The following DLGAP2 variants were observed in gnomAD, a reference collection of about 807,000 sequenced individuals.
DLGAP2 encodes DLG associated protein 2.
Under a neutral mutation model 100.3 loss-of-function variants are expected in DLGAP2, and 26 were observed. The observed-to-expected ratio is 0.26, with a 90% CI of 0.19 to 0.36. The LOEUF (loss-of-function observed/expected upper bound fraction) is 0.36, where lower values mean the gene tolerates loss of function less well. Ranked by LOEUF, DLGAP2 falls within the 10% of genes least tolerant of loss-of-function variation. The pLI is 1.00. For missense variants in DLGAP2, 1,858 were observed against 1,453.2 expected, an observed-to-expected ratio of 1.28 and a Z score of -4.53; for synonymous variants, 886 against 630.1, an observed-to-expected ratio of 1.41 and a Z score of -6.08.
intron 4 of DLGAP2, among the ~76,000 whole-genome samples, chr8:1,507,455 C>G (rs1010286649): frequency 6.6e-6 from 1 of 152,134 alleles, no homozygotes; most frequent in Non-Finnish European, 1.5e-5. Context: ...TGCGGGGCCG[C>G]GGAGCCCGCG....
In DLGAP2 at chr8:1,519,614, C is replaced by T. The variant is rs547084144; in HGVS notation, c.172+18183C>T. On this transcript the variant is annotated intron_variant, in intron 4 of 14. Transcript: ENST00000637795. ...CCTGAGCCTGGCTCTCCCCATGCAC[C>T]TTCCCCATGGACACCACCTCTTGCC... Among the ~76,000 whole-genome samples, 3 of 152,348 alleles carry T rather than the reference C, an allele frequency of 2.0e-5. No homozygotes were observed. In the East Asian group the frequency reaches 5.8e-4, roughly 29 times the overall value.
At chr8:1,204,195 A>G (rs1797942606) in intron 2 of DLGAP2, among the ~76,000 whole-genome samples, 1 of 152,206 alleles carries the variant, frequency 6.6e-6, no homozygotes, top group African/African-American at 2.4e-5. Context: ...CCCATCACAG[A>G]ATATCAGCGG....
chr8:1,292,435 T>G (rs924320344), intron 3 of DLGAP2, among the ~76,000 whole-genome samples: 73 of 152,314 alleles, frequency 4.8e-4, no homozygotes, highest in African/African-American at 1.7e-3. Context: ...TGCGCTGTCT[T>G]TGGGCAGCTC....
chr8:1,164,407 G>GTTTGTGGGGA (rs1796972900), intron 2 of DLGAP2, among the ~76,000 whole-genome samples: 7 of 152,120 alleles, frequency 4.6e-5, no homozygotes, highest in South Asian at 2.1e-4. Flanking sequence ...CGTCGTTTTG[G>GTTTGTGGGGA]TTTCTCTGGA....
At chr8:841,140 G>C (rs1796976497) in intron 1 of DLGAP2, among the ~76,000 whole-genome samples, 1 of 152,172 alleles carries the variant, frequency 6.6e-6, no homozygotes, top group Non-Finnish European at 1.5e-5. Flanking sequence ...AAATGGAGCA[G>C]TTCATATGGA....
At chr8:891,861 T>C (rs1798042472) in intron 1 of DLGAP2, among the ~76,000 whole-genome samples, 1 of 152,084 alleles carries the variant, frequency 6.6e-6, no homozygotes, top group Non-Finnish European at 1.5e-5. Flanking sequence ...GGGGAGGACC[T>C]TGGGAGAGCT....
intron 2 of DLGAP2, among the ~76,000 whole-genome samples, chr8:1,205,772 G>A (rs1272446569): frequency 3.3e-5 from 5 of 152,264 alleles, no homozygotes; most frequent in South Asian, 2.1e-4. Context: ...TGGCTGTGCC[G>A]TGACTGGAAA....
In DLGAP2 at chr8:1,318,543, G is replaced by A. The variant is rs115109296; in HGVS notation, c.106+59660G>A. 5.5e-3 allele frequency among the ~76,000 whole-genome samples: 837 copies of A among 150,948 alleles called. 8 individuals are homozygous for A. Among genetic ancestry groups the A allele is most frequent in the African/African-American group, 0.019 (791 of 41,050 alleles). On this transcript the variant is annotated intron_variant, in intron 3 of 14. Coordinates refer to ENST00000637795, the MANE Select transcript of DLGAP2 (RefSeq NM_001346810.2). Reference sequence around the variant, plus strand: ...TTTGAAGTTTAGGCCTCCACAGGAGGCCTGTTGTCAGGGCCGGTTCGTTAC... The same window carrying A: ...TTTGAAGTTTAGGCCTCCACAGGAGACCTGTTGTCAGGGCCGGTTCGTTAC...
At chr8:777,427 T>G (rs1446173904) in intron 1 of DLGAP2, among the ~76,000 whole-genome samples, 1 of 152,196 alleles carries the variant, frequency 6.6e-6, no homozygotes, top group Admixed American at 6.5e-5. Flanking sequence ...CGTTAGTTGA[T>G]GCAGTTTCTT....
At chr8:1,182,253 G>A (rs755149208) in intron 2 of DLGAP2, among the ~76,000 whole-genome samples, 2 of 152,260 alleles carry the variant, frequency 1.3e-5, no homozygotes, top group East Asian at 3.8e-4. Context: ...CGACTGCCAT[G>A]TTCCTGTTTT....
intron 1 of DLGAP2, among the ~76,000 whole-genome samples, chr8:813,775 C>G (rs1400950158): frequency 6.6e-6 from 1 of 152,140 alleles, no homozygotes; most frequent in African/African-American, 2.4e-5. Flanking sequence ...CTTTCTCCCT[C>G]CACTGACTGA....
intron 4 of DLGAP2, among the ~76,000 whole-genome samples, chr8:1,526,951 CT>C (rs1473110098): frequency 1.3e-5 from 2 of 152,242 alleles, no homozygotes; most frequent in Non-Finnish European, 2.9e-5. Flanking sequence ...GTGGTGTGGC[CT>C]CGAGTTAGGC....
chr8:1,252,731 G>T (rs1433487602), intron 2 of DLGAP2, among the ~76,000 whole-genome samples: 1 of 152,268 alleles, frequency 6.6e-6, no homozygotes, highest in Non-Finnish European at 1.5e-5. Context: ...CGGCCAGGCA[G>T]GCCTGCTGTC....
At chr8:936,420 G>A (rs1799072892) in intron 2 of DLGAP2, among the ~76,000 whole-genome samples, 1 of 152,230 alleles carries the variant, frequency 6.6e-6, no homozygotes, top group African/African-American at 2.4e-5. Flanking sequence ...GGAGATGGCG[G>A]CCTTTCTTTT....
intron 1 of DLGAP2, among the ~76,000 whole-genome samples, chr8:749,639 T>C (rs894168662): frequency 6.6e-6 from 1 of 152,236 alleles, no homozygotes. Flanking sequence ...GGTTAATGTA[T>C]TTTTTTGAAT....
intron 1 of DLGAP2, among the ~76,000 whole-genome samples, chr8:887,927 G>C (rs998652116): frequency 6.6e-6 from 1 of 152,152 alleles, no homozygotes; most frequent in East Asian, 1.9e-4. Context: ...GGCCTGTCTT[G>C]CTAGGTTGCA....
chr8:1,330,088 G>A (rs1385173614), intron 3 of DLGAP2, among the ~76,000 whole-genome samples: 1 of 152,224 alleles, frequency 6.6e-6, no homozygotes, highest in Non-Finnish European at 1.5e-5. Flanking sequence ...CCTCATGTGG[G>A]GTCGAGGTTT....
At chr8:1,209,366 C>G (rs1303416337) in intron 2 of DLGAP2, among the ~76,000 whole-genome samples, 2 of 151,960 alleles carry the variant, frequency 1.3e-5, no homozygotes. Context: ...TTTATGGGTT[C>G]GTTTATTTGT....
intron 3 of DLGAP2, among the ~76,000 whole-genome samples, chr8:1,326,470 C>T (rs1801023412): frequency 1.3e-5 from 2 of 152,110 alleles, no homozygotes; most frequent in African/African-American, 2.4e-5. Context: ...CAGGACATGG[C>T]ACGCGCTCGG....
Sources: gnomAD v4.1 joint callset for allele counts (sites outside exome capture counted in the v4.1 genomes callset) on GRCh38, gnomAD v4.1.1 for gene constraint, MANE v1.5 for transcripts, NCBI Gene and HGNC (gene_info 2026-07-23, HGNC 2026-07-21) for gene names.